AKAP14: variants seen among roughly 807,000 people sequenced by gnomAD.
The protein encoded by AKAP14 is A-kinase anchor protein 14.
In AKAP14, 4 loss-of-function variants were observed where a neutral mutation model predicts 17.0. The observed-to-expected ratio is 0.23, with a 90% CI of 0.12 to 0.54. The LOEUF is 0.54. Ranked by LOEUF, AKAP14 falls within the 20% of genes least tolerant of loss-of-function variation. The pLI is 0.95. For synonymous variants in AKAP14, 42 were observed against 51.3 expected, an observed-to-expected ratio of 0.82 and a Z score of 0.77; for missense variants, 129 against 150.9, an observed-to-expected ratio of 0.85 and a Z score of 0.76.
chrX:119,896,813 CT>C (rs1402745894), intron 2 of AKAP14, among the ~76,000 whole-genome samples: 4 of 57,299 alleles, frequency 7.0e-5, no homozygotes, highest in Admixed American at 2.7e-4. Flanking sequence ...TTCTTTTTTT[CT>C]TTTTTTTTTT....
At chrX:119,914,902 C>T (rs758171876) in intron 5 of AKAP14, 24 bp downstream of exon 5, 1 of 1,177,293 alleles carries the variant, frequency 8.5e-7, no homozygotes, top group African/African-American at 1.8e-5. Context: ...TTTCTCCCTT[C>T]AGTGAGGCTT....
chrX:119,896,695 C>T (rs1241644094), intron 2 of AKAP14, among the ~76,000 whole-genome samples: 3 of 111,331 alleles, frequency 2.7e-5, no homozygotes, highest in East Asian at 2.8e-4. Context: ...CCATGTGCTT[C>T]GTGTTGGAGG....
chrX:119,896,632 A>G (rs1406787821), intron 2 of AKAP14, among the ~76,000 whole-genome samples: 1 of 111,351 alleles, frequency 9.0e-6, no homozygotes, highest in Non-Finnish European at 1.9e-5. Flanking sequence ...GTTGGAGCAC[A>G]GGCTCCCCAG....
intron 4 of AKAP14, among the ~76,000 whole-genome samples, chrX:119,907,801 A>G (rs2056605984): frequency 9.0e-6 from 1 of 111,601 alleles, no homozygotes; most frequent in South Asian, 3.7e-4. Flanking sequence ...TCTATCTGAT[A>G]TATTCTTTCC....
intron 2 of AKAP14, among the ~76,000 whole-genome samples, chrX:119,897,026 T>A (rs1465843439): frequency 9.1e-6 from 1 of 110,242 alleles, no homozygotes; most frequent in Non-Finnish European, 1.9e-5. Flanking sequence ...GCCAGGCTGG[T>A]TTCGAACTCC....
intron 4 of AKAP14, among the ~76,000 whole-genome samples, chrX:119,907,271 C>T (rs1603377811): frequency 9.4e-6 from 1 of 106,684 alleles, no homozygotes; most frequent in Middle Eastern, 5.0e-3. Context: ...GATGGGACTA[C>T]AGGTGCATGC....
intron 5 of AKAP14, among the ~76,000 whole-genome samples, chrX:119,915,804 C>A (rs867749431): frequency 1.0e-5 from 1 of 98,006 alleles, no homozygotes; most frequent in East Asian, 2.8e-4. Flanking sequence ...CCGTGCCCGG[C>A]CCCCCCAAAC....
intron 5 of AKAP14, among the ~76,000 whole-genome samples, chrX:119,916,809 T>G (rs1254556938): frequency 1.0e-5 from 1 of 100,398 alleles, no homozygotes; most frequent in Non-Finnish European, 2.0e-5. Context: ...CCCATTCTTC[T>G]GTTTAAAACT....
chrX:119,904,343 A>G (rs1372283446), intron 4 of AKAP14, among the ~76,000 whole-genome samples: 2 of 112,253 alleles, frequency 1.8e-5, no homozygotes, highest in African/African-American at 6.5e-5. Context: ...TAAGATGTAC[A>G]ATCCCATGAA....
intron 4 of AKAP14, among the ~76,000 whole-genome samples, chrX:119,904,807 C>G (rs2056588085): frequency 9.0e-6 from 1 of 111,165 alleles, no homozygotes; most frequent in Non-Finnish European, 1.9e-5. Flanking sequence ...CGCTTGAACC[C>G]AGGAGGCAGA....
chrX:119,918,950 G>A (rs1480039117), intron 5 of AKAP14, among the ~76,000 whole-genome samples: 1 of 111,938 alleles, frequency 8.9e-6, no homozygotes, highest in Non-Finnish European at 1.9e-5. Flanking sequence ...TAGTACAAAT[G>A]TGCCTATTCA....
intron 4 of AKAP14, among the ~76,000 whole-genome samples, chrX:119,904,370 C>A (rs1326986868): frequency 8.9e-6 from 1 of 112,557 alleles, no homozygotes; most frequent in Non-Finnish European, 1.9e-5. Flanking sequence ...TGTTCTTCTG[C>A]CTGTGTCTGA....
chrX:119,900,832 C>T (rs986610522), intron 2 of AKAP14, among the ~76,000 whole-genome samples: 59 of 112,185 alleles, frequency 5.3e-4, no homozygotes, highest in African/African-American at 1.9e-3. Flanking sequence ...CCACTGCACC[C>T]GGCTGCCTGT....
At chrX:119,903,153 T>C in intron 2 of AKAP14, 61 bp from the exon 3 acceptor site, 2 of 1,048,191 alleles carry the variant, frequency 1.9e-6, no homozygotes, top group Admixed American at 2.8e-5. Flanking sequence ...TCTGTACTTA[T>C]ATGAGTGCGT....
intron 5 of AKAP14, among the ~76,000 whole-genome samples, 200 bp downstream of exon 5, chrX:119,915,078 C>A (rs953519542): frequency 1.8e-5 from 2 of 112,086 alleles, no homozygotes; most frequent in African/African-American, 6.5e-5. Context: ...GAACAACATA[C>A]TTTCCTGATT....
At chrX:119,918,521 C>T (rs1486728991) in intron 5 of AKAP14, among the ~76,000 whole-genome samples, 1 of 112,492 alleles carries the variant, frequency 8.9e-6, no homozygotes, top group African/African-American at 3.2e-5. Context: ...CATGAGCCAC[C>T]ACACCCAGCC....
intron 5 of AKAP14, among the ~76,000 whole-genome samples, chrX:119,918,964 C>T (rs1291145626): frequency 9.0e-6 from 1 of 111,650 alleles, no homozygotes; most frequent in Non-Finnish European, 1.9e-5. Flanking sequence ...CTATTCAGAG[C>T]GTTTGGAACC....
chrX:119,916,328 T>A (rs909194815), intron 5 of AKAP14, among the ~76,000 whole-genome samples: 2 of 109,544 alleles, frequency 1.8e-5, no homozygotes, highest in Admixed American at 2.0e-4. Context: ...CACACCACCA[T>A]GCCCAGCAAA....
chrX:119,900,996 T>C (rs773759587), intron 2 of AKAP14, among the ~76,000 whole-genome samples: 56 of 112,558 alleles, frequency 5.0e-4, no homozygotes, highest in African/African-American at 1.8e-3. Flanking sequence ...GGAGCCATCT[T>C]TACAGCCCTA....
Sources: allele counts gnomAD v4.1 joint callset (sites outside exome capture counted in the v4.1 genomes callset), GRCh38; gene constraint gnomAD v4.1.1; transcripts MANE v1.5; gene names NCBI Gene and HGNC (gene_info 2026-07-23, HGNC 2026-07-21).